SCAF11: variants seen among roughly 807,000 people sequenced by gnomAD.
SCAF11 encodes the protein protein SCAF11.
Under a neutral mutation model 140.5 loss-of-function variants are expected in SCAF11, and 47 were observed. The observed-to-expected ratio is 0.33, with a 90% CI of 0.26 to 0.43. SCAF11 has a LOEUF of 0.43. Ranked by LOEUF, SCAF11 falls within the 20% of genes least tolerant of loss-of-function variation. SCAF11 has a pLI of 1.00. For missense variants in SCAF11, 1,645 were observed against 1,705.1 expected, an observed-to-expected ratio of 0.96 and a Z score of 0.62; for synonymous variants, 557 against 579.4, an observed-to-expected ratio of 0.96 and a Z score of 0.55.
At chr12:45,954,575 T>C (rs1158050867) in intron 3 of SCAF11, among the ~76,000 whole-genome samples, 1 of 151,244 alleles carries the variant, frequency 6.6e-6, no homozygotes. Flanking sequence ...GTTACTTTTT[T>C]TTTTTTTTTT....
intron 5 of SCAF11, 56 bp from the exon 6 acceptor site, chr12:45,945,369 A>C: frequency 9.6e-7 from 1 of 1,045,796 alleles, no homozygotes; most frequent in Non-Finnish European, 1.4e-6. Context: ...CATTTTGCTC[A>C]CTTATTTTCA....
chr12:45,984,152 TAAAAAG>T (rs1170535622), intron 1 of SCAF11, among the ~76,000 whole-genome samples: 3 of 150,960 alleles, frequency 2.0e-5, no homozygotes, highest in East Asian at 3.9e-4. Flanking sequence ...TTTACCTTAA[TAAAAAG>T]AAAAAGGGAT....
chr12:45,952,793 C>T (rs1229879723), intron 3 of SCAF11, among the ~76,000 whole-genome samples: 1 of 152,064 alleles, frequency 6.6e-6, no homozygotes, highest in East Asian at 1.9e-4. Context: ...CCTATGGTTA[C>T]AAAAATAAAA....
chr12:45,935,755 T>C (rs1010766115), intron 6 of SCAF11, among the ~76,000 whole-genome samples: 1 of 152,234 alleles, frequency 6.6e-6, no homozygotes, highest in African/African-American at 2.4e-5. Context: ...TGAGCAATGC[T>C]ACATGTGAAA....
intron 1 of SCAF11, among the ~76,000 whole-genome samples, chr12:45,989,845 G>T (rs1946548262): frequency 6.6e-6 from 1 of 152,218 alleles, no homozygotes; most frequent in African/African-American, 2.4e-5. Flanking sequence ...TCACTAGCGG[G>T]CTTGGACGCT....
chr12:45,945,605 C>T (rs886844417), intron 5 of SCAF11, among the ~76,000 whole-genome samples: 7 of 148,596 alleles, frequency 4.7e-5, no homozygotes, highest in African/African-American at 1.2e-4. Flanking sequence ...GGTGCAATCA[C>T]GGCTTACTGC....
In SCAF11 at chr12:45,990,463, G is replaced by A; in HGVS notation, c.-132C>T. The A allele has an allele frequency of 1.6e-6, 2 of 1,231,776 alleles. No individual in the cohort carries two copies. Among genetic ancestry groups the A allele is most frequent in the Non-Finnish European group, 1.0e-6 (1 of 988,016 alleles). 76.3% of individuals were successfully genotyped at this position (1,231,776 alleles called of 1,614,324 possible). On this transcript the variant is annotated 5_prime_UTR_variant, in exon 1 of 15. Coordinates refer to ENST00000369367, the MANE Select transcript of SCAF11 (RefSeq NM_004719.3). The stretch of plus-strand genomic sequence containing the variant: ...ACATGGACTCCTTCGTCCGCTTTGT[G>A]GTGTTACAGGGTCTCTAGGACACTG...
Position 45,927,064 on chromosome 12 carries a change from T to A in SCAF11, c.2637A>T (p.Glu879Asp), listed in dbSNP as rs1469874256. 1.2e-6 allele frequency: 2 copies of A among 1,614,026 alleles called. No individual in the cohort carries two copies. The highest frequency in any genetic ancestry group is 1.3e-5 in the African/African-American group (1 of 74,924). ...AAGTTTCTCTTCTTGGGGACAGTGA[T>A]TCAGATCTTCTGCTTTCCCTAGTAG... is the stretch of plus-strand genomic sequence containing the variant. ...RDTTRESRRSESLSPRRETSR... is the reference protein window; with the variant it reads ...RDTTRESRRSDSLSPRRETSR... The change falls in exon 11 of 15, where the codon GAA becomes GAT. Residue 879 changes from glutamate to aspartate, a missense_variant. This residue lies in a region of SCAF11 where 1,582 missense variants were observed against 1,609.2 expected (regional missense o/e 0.98). Coordinates refer to ENST00000369367, the MANE Select transcript of SCAF11 (RefSeq NM_004719.3).
At chr12:45,935,382 T>C (rs1311030334) in intron 6 of SCAF11, among the ~76,000 whole-genome samples, 1 of 152,200 alleles carries the variant, frequency 6.6e-6, no homozygotes, top group Non-Finnish European at 1.5e-5. Context: ...TCAATGTTAG[T>C]GGAAGACGAA....
chr12:45,986,671 T>C (rs987993454), intron 1 of SCAF11, among the ~76,000 whole-genome samples: 1 of 152,222 alleles, frequency 6.6e-6, no homozygotes, highest in African/African-American at 2.4e-5. Context: ...TGAATTGTAT[T>C]CCCATAATTC....
intron 5 of SCAF11, among the ~76,000 whole-genome samples, 200 bp downstream of exon 5, chr12:45,948,237 C>T (rs1179854471): frequency 6.6e-6 from 1 of 152,028 alleles, no homozygotes; most frequent in Non-Finnish European, 1.5e-5. Context: ...CCAGCCAGAA[C>T]CAATTCTTCA....
intron 10 of SCAF11, chr12:45,929,069 G>T: frequency 3.2e-6 from 1 of 317,282 alleles, no homozygotes; most frequent in Non-Finnish European, 5.6e-6. Context: ...GTTATAACTA[G>T]ATTTGGTCCA....
In SCAF11 at chr12:45,926,164, T is replaced by G. The variant is rs758992214; in HGVS notation, c.3537A>C (p.Gln1179His). Residue 1179 changes from glutamine to histidine, a missense_variant, in exon 11 of 15, where the codon CAA (glutamine) becomes CAC (histidine). Physicochemically the swap from Gln to His is conservative, Grantham distance 24. Around this residue, in one of 2 missense-constraint regions of SCAF11, gnomAD observed 1,582 missense variants for 1,609.2 expected, o/e 0.98. Coordinates refer to ENST00000369367, the MANE Select transcript of SCAF11 (RefSeq NM_004719.3). ...SSGPQSGWMKQEEETSGQDSS... is the reference protein window; with the variant it reads ...SSGPQSGWMKHEEETSGQDSS... ...TACCCTGTCCAGATGTTTCCTCCTC[T>G]TGTTTCATCCATCCAGACTGTGGAC... is the stretch of plus-strand genomic sequence containing the variant. 19 of 1,609,928 alleles carry G rather than the reference T, an allele frequency of 1.2e-5. No individual in the cohort carries two copies. The highest frequency in any genetic ancestry group is 1.6e-5 in the Non-Finnish European group (19 of 1,176,338).
In SCAF11 at chr12:45,927,100, T is replaced by C; in HGVS notation, c.2601A>G (p.Pro867=). The change falls in exon 11 of 15, where the codon CCA becomes CCG. Residue 867 remains proline (P), a synonymous_variant. Transcript: ENST00000369367. ...RERRQSQSRS[P]KRDTTRESRR... is the part of the protein sequence containing the mutation. The stretch of plus-strand genomic sequence containing the variant: ...TGCTTTCCCTAGTAGTATCCCTTTT[T>C]GGAGACCGAGACTGAGATTGCCTCC... 1 of 1,614,194 alleles carries C rather than the reference T, an allele frequency of 6.2e-7. No homozygotes were observed. Among genetic ancestry groups the C allele is most frequent in the Middle Eastern group, 1.6e-4 (1 of 6,062 alleles).
Position 45,928,290 on chromosome 12 carries a change from C to T in SCAF11, c.1411G>A (p.Gly471Arg). ...TANYDTEERV[G>R]SSSSESCAQD... ...GCACAAGACTCAGAAGATGAAGATC[C>T]TACTCTTTCCTCTGTATCATAATTT... Residue 471 changes from glycine (G) to arginine (R), a missense_variant, in exon 11 of 15, where the codon GGA (glycine) becomes AGA (arginine). By Grantham distance (125) the Gly-to-Arg change is moderately radical. This residue lies in a region of SCAF11 where 1,582 missense variants were observed against 1,609.2 expected (regional missense o/e 0.98). Coordinates refer to ENST00000369367, the MANE Select transcript of SCAF11 (RefSeq NM_004719.3). 13 of 1,613,900 alleles carry T rather than the reference C, an allele frequency of 8.1e-6. No individual in the cohort carries two copies. The highest frequency in any genetic ancestry group is 1.1e-5 in the Non-Finnish European group (13 of 1,179,952).
chr12:45,923,338 G>A (rs916911446), intron 12 of SCAF11, among the ~76,000 whole-genome samples, 184 bp from the exon 13 acceptor site: 2 of 152,028 alleles, frequency 1.3e-5, no homozygotes, highest in South Asian at 2.1e-4. Flanking sequence ...ATTCTTAAAC[G>A]GGGCCTTATT....
chr12:45,929,379 A>G (rs1944987642), intron 10 of SCAF11: 1 of 152,452 alleles, frequency 6.6e-6, no homozygotes, highest in Admixed American at 6.5e-5. Context: ...GCTGGTCTCA[A>G]ACTCCTGAGT....
At chr12:45,990,624 C>G, upstream of SCAF11, 1 of 1,201,544 alleles carries the variant, frequency 8.3e-7, no homozygotes, top group Non-Finnish European at 1.0e-6. Context: ...CCTCCCTGCG[C>G]GTCTCCCTCC....
At chr12:45,987,096 C>T (rs778653031) in intron 1 of SCAF11, among the ~76,000 whole-genome samples, 19 of 152,124 alleles carry the variant, frequency 1.2e-4, no homozygotes, top group Non-Finnish European at 2.2e-4. Flanking sequence ...TGTGGTGGTT[C>T]ATTCCTGTAA....
Sources: allele counts gnomAD v4.1 joint callset (sites outside exome capture counted in the v4.1 genomes callset), GRCh38; gene constraint gnomAD v4.1.1; regional missense constraint gnomAD v4.1.1; transcripts MANE v1.5; gene names NCBI Gene and HGNC (gene_info 2026-07-23, HGNC 2026-07-21).